ZNF704: variants seen among roughly 807,000 people sequenced by gnomAD.
ZNF704 encodes zinc finger protein 704.
In ZNF704, 10 loss-of-function variants were observed where a neutral mutation model predicts 44.7. That is an observed-to-expected ratio of 0.22 (90% confidence interval 0.14 to 0.38). ZNF704 has a LOEUF of 0.38. Ranked by LOEUF, ZNF704 falls within the 10% of genes least tolerant of loss-of-function variation. The pLI, the probability that ZNF704 is intolerant of heterozygous loss-of-function variation, is 1.00. For synonymous variants in ZNF704, 211 were observed against 207.6 expected (o/e 1.02, Z -0.14); for missense variants, 390 against 545.5 (o/e 0.71, Z 2.84).
chr8:80,673,001 G>T (rs757106830), intron 4 of ZNF704, among the ~76,000 whole-genome samples: 23 of 152,044 alleles, frequency 1.5e-4, no homozygotes, highest in Middle Eastern at 3.4e-3. Flanking sequence ...CCTTGAAGTG[G>T]GCCTAATGCC....
At chr8:80,825,077 T>G (rs1403934603) in intron 1 of ZNF704, among the ~76,000 whole-genome samples, 1 of 152,134 alleles carries the variant, frequency 6.6e-6, no homozygotes, top group Non-Finnish European at 1.5e-5. Context: ...CATAACAATA[T>G]TAACCTTTAA....
intron 1 of ZNF704, among the ~76,000 whole-genome samples, chr8:80,829,567 AAAC>A (rs1418741366): frequency 1.3e-5 from 2 of 152,216 alleles, no homozygotes; most frequent in East Asian, 1.9e-4. Flanking sequence ...TAAAGGAAGG[AAAC>A]AACATTACAG....
intron 1 of ZNF704, among the ~76,000 whole-genome samples, chr8:80,858,221 G>A (rs981145070): frequency 1.3e-5 from 2 of 152,030 alleles, no homozygotes; most frequent in African/African-American, 4.8e-5. Context: ...ATCAGCTTTT[G>A]GTTTCACAGA....
rs1809326459 is a variant in ZNF704 at position 80,874,394 on chromosome 8, G to A, written c.-22+177C>T. On this transcript the variant is annotated intron_variant, in intron 1 of 8. Transcript: ENST00000327835. This position sits in a 1 kb window ranked among gnomAD's most constrained non-coding sequence, Gnocchi z 4.4. ...ATGCGGCCGGCGGCCGAGCCCGCGCGCGCCTCTCCCGGCCGGCTGCGCCCG... is the reference window on the plus strand; with the variant it reads ...ATGCGGCCGGCGGCCGAGCCCGCGCACGCCTCTCCCGGCCGGCTGCGCCCG... 6.8e-6 allele frequency among the ~76,000 whole-genome samples: 1 copy of A among 147,420 alleles called. No homozygotes were observed. Among genetic ancestry groups the A allele is most frequent in the South Asian group, 2.1e-4 (1 of 4,804 alleles).
intron 2 of ZNF704, among the ~76,000 whole-genome samples, chr8:80,787,879 A>T (rs1372886221): frequency 6.6e-6 from 1 of 152,238 alleles, no homozygotes; most frequent in Non-Finnish European, 1.5e-5. Context: ...CTTGTATAAA[A>T]TCTTAACTGC....
At chr8:80,681,402 A>G (rs1325288439) in intron 4 of ZNF704, among the ~76,000 whole-genome samples, 2 of 152,206 alleles carry the variant, frequency 1.3e-5, no homozygotes, top group Non-Finnish European at 2.9e-5. Context: ...TACACACTGT[A>G]TAATTCCATT....
At chr8:80,786,643 C>CT (rs1807618831) in intron 2 of ZNF704, among the ~76,000 whole-genome samples, 1 of 152,102 alleles carries the variant, frequency 6.6e-6, no homozygotes, top group Admixed American at 6.5e-5. Context: ...CAAATCAAAA[C>CT]TTTATCATAA....
intron 7 of ZNF704, among the ~76,000 whole-genome samples, chr8:80,647,883 C>T (rs1264252939): frequency 1.3e-5 from 2 of 152,170 alleles, no homozygotes; most frequent in Non-Finnish European, 2.9e-5. Context: ...CATGGATTGT[C>T]TTCAGCGGTT....
chr8:80,689,258 A>G (rs987768545), intron 3 of ZNF704, among the ~76,000 whole-genome samples: 1 of 152,198 alleles, frequency 6.6e-6, no homozygotes, highest in Admixed American at 6.5e-5. Context: ...ACCTTTACCT[A>G]TTTATGGATT....
intron 2 of ZNF704, among the ~76,000 whole-genome samples, chr8:80,801,020 T>C (rs1410829674): frequency 6.6e-6 from 1 of 152,060 alleles, no homozygotes; most frequent in Non-Finnish European, 1.5e-5. Flanking sequence ...TCCTAGTTCC[T>C]GACAAAACAC....
chr8:80,804,372 T>C (rs1232912647), intron 2 of ZNF704, among the ~76,000 whole-genome samples: 2 of 152,188 alleles, frequency 1.3e-5, no homozygotes, highest in Non-Finnish European at 2.9e-5. Context: ...GACACATGCA[T>C]GCATATGTTC....
At chr8:80,671,024 C>A (rs1014141794) in intron 4 of ZNF704, among the ~76,000 whole-genome samples, 22 of 152,194 alleles carry the variant, frequency 1.4e-4, no homozygotes, top group Non-Finnish European at 2.9e-4. Flanking sequence ...AGTCAATGAA[C>A]CAGCTACTGG....
At chr8:80,836,547 G>A (rs1808585873) in intron 1 of ZNF704, among the ~76,000 whole-genome samples, 1 of 152,126 alleles carries the variant, frequency 6.6e-6, no homozygotes, top group Non-Finnish European at 1.5e-5. Flanking sequence ...GGAGGCTGAG[G>A]CAGGTGGATC....
chr8:80,634,520 T>C lies in ZNF704; in HGVS notation c.*6846A>G, dbSNP rs1817636997. 1 of 152,256 alleles carries C rather than the reference T, an allele frequency of 6.6e-6. No homozygotes were observed. Among genetic ancestry groups the C allele is most frequent in the Admixed American group, 6.5e-5 (1 of 15,284 alleles). 9.4% of individuals were successfully genotyped at this position (152,256 alleles called of 1,614,324 possible). ...CACCTGTCTGTGTACAGCTTCTCTT[T>C]GGTCTGCACAGTGTTGGCCAAGAGT... On this transcript the variant is annotated 3_prime_UTR_variant, in exon 9 of 9. Transcript: ENST00000327835.
At chr8:80,696,310 C>T (rs1343728018) in intron 2 of ZNF704, among the ~76,000 whole-genome samples, 2 of 152,188 alleles carry the variant, frequency 1.3e-5, no homozygotes, top group Admixed American at 1.3e-4. Flanking sequence ...AATCTTTCCT[C>T]CAGCCATACT....
At chr8:80,735,369 A>ATC (rs1806649298) in intron 2 of ZNF704, among the ~76,000 whole-genome samples, 1 of 152,228 alleles carries the variant, frequency 6.6e-6, no homozygotes. Context: ...ATCCATGCTT[A>ATC]TCGTTCTTTG....
chr8:80,819,030 T>C (rs1173629836), intron 2 of ZNF704, among the ~76,000 whole-genome samples: 1 of 152,128 alleles, frequency 6.6e-6, no homozygotes, highest in Non-Finnish European at 1.5e-5. Context: ...ACACTGTATT[T>C]ATGATGATTA....
intron 2 of ZNF704, among the ~76,000 whole-genome samples, chr8:80,791,806 G>C (rs543369056): frequency 6.6e-6 from 1 of 152,320 alleles, no homozygotes; most frequent in Non-Finnish European, 1.5e-5. Context: ...GTAAGGAAGT[G>C]ATGAGTTCAG....
chr8:80,838,628 A>G, intron 1 of ZNF704, among the ~76,000 whole-genome samples: 1 of 149,020 alleles, frequency 6.7e-6, no homozygotes, highest in Non-Finnish European at 1.5e-5. Context: ...CTGGAGGAGG[A>G]GGAAGAGTTA....
Sources: gnomAD v4.1 joint callset for allele counts (sites outside exome capture counted in the v4.1 genomes callset) on GRCh38, gnomAD v4.1.1 for gene constraint, Gnocchi (gnomAD v3.1) non-coding constraint, MANE v1.5 for transcripts, NCBI Gene and HGNC (gene_info 2026-07-23, HGNC 2026-07-21) for gene names.